Variants in MAP2K1 observed in about 807,000 individuals in gnomAD.
MAP2K1 encodes mitogen-activated protein kinase kinase 1.
In MAP2K1, 16 loss-of-function variants were observed where a neutral mutation model predicts 46.3. The ratio of observed to expected loss-of-function variants is 0.35; its 90% CI spans 0.23 to 0.52. The LOEUF (loss-of-function observed/expected upper bound fraction) is 0.52, where lower values mean the gene tolerates loss of function less well. Ranked by LOEUF, MAP2K1 falls within the 20% of genes least tolerant of loss-of-function variation. The probability of loss-of-function intolerance (pLI) is 0.94; values close to 1 mark genes in which losing one functional copy is unlikely to be tolerated. For synonymous variants in MAP2K1, 183 were observed against 185.6 expected, an observed-to-expected ratio of 0.99 and a Z score of 0.11; for missense variants, 263 against 497.1, an observed-to-expected ratio of 0.53 and a Z score of 4.48.
intron 5 of MAP2K1, among the ~76,000 whole-genome samples, chr15:66,469,497 T>TTTTTTTG (rs1555419237): frequency 6.9e-6 from 1 of 144,926 alleles, no homozygotes; most frequent in Admixed American, 6.9e-5. Context: ...TTTTTTTTTT[T>TTTTTTTG]TTGTTGAGGA....
rs569987264 is a variant in MAP2K1, at chr15:66,468,641, A to T, written c.569-13114A>T. Among the ~76,000 whole-genome samples the T allele has an allele frequency of 1.2e-3, 188 of 151,512 alleles. 3 individuals carry two copies. The South Asian group carries it at 0.035, about 28-fold the overall frequency. ...AGACCACATGATGCTTTTAAAAAAAATTTTTTTTTGGCTGGGCGCGGTGGC... is the reference window on the plus strand; with the variant it reads ...AGACCACATGATGCTTTTAAAAAAATTTTTTTTTTGGCTGGGCGCGGTGGC... On this transcript the variant is annotated intron_variant, in intron 5 of 10. Transcript: ENST00000307102.
chr15:66,444,510 G>C (rs1891810407), intron 4 of MAP2K1, 146 bp from the exon 5 acceptor site: 1 of 685,910 alleles, frequency 1.5e-6, no homozygotes, highest in African/African-American at 1.8e-5. Context: ...TCCAGCCTGG[G>C]CAACAAGAGT....
chr15:66,464,574 G>C (rs1374592389), intron 5 of MAP2K1, among the ~76,000 whole-genome samples: 2 of 152,108 alleles, frequency 1.3e-5, no homozygotes, highest in African/African-American at 2.4e-5. Context: ...GCCCAGGCTA[G>C]AGTGCAGTGG....
In MAP2K1 at chr15:66,459,130, C is replaced by T. The variant is rs1322728906; in HGVS notation, c.568+14423C>T. On this transcript the variant is annotated intron_variant, in intron 5 of 10. Coordinates refer to ENST00000307102, the MANE Select transcript of MAP2K1 (RefSeq NM_002755.4). ...GAGATCAAGACCATGCTGGCCAACA[C>T]GGTGAAACCCCGTCTCTACTAAAAA... Among the ~76,000 whole-genome samples, 5 of 151,188 alleles carry T rather than the reference C, an allele frequency of 3.3e-5. No individual in the cohort carries two copies. In the East Asian group the frequency reaches 5.8e-4, roughly 18 times the overall value.
intron 1 of MAP2K1, among the ~76,000 whole-genome samples, chr15:66,434,401 T>C (rs2140577200): frequency 6.6e-6 from 1 of 152,346 alleles, no homozygotes; most frequent in South Asian, 2.1e-4. Flanking sequence ...GTGGGTCCTC[T>C]TTGGACCCTT....
chr15:66,477,206 G>A (rs1034014826), intron 5 of MAP2K1, among the ~76,000 whole-genome samples: 11 of 152,206 alleles, frequency 7.2e-5, no homozygotes, highest in African/African-American at 2.7e-4. Context: ...GTGGCAAGCT[G>A]TGTTATGTAA....
At chr15:66,404,516 A>G (rs752575805) in intron 1 of MAP2K1, among the ~76,000 whole-genome samples, 3 of 152,252 alleles carry the variant, frequency 2.0e-5, no homozygotes, top group Non-Finnish European at 2.9e-5. Flanking sequence ...TGGGTTAGCC[A>G]TAAAGGTAGC....
At chr15:66,434,992 G>T (rs1242071561) in intron 1 of MAP2K1, 35 bp from the exon 2 acceptor site, 2 of 1,339,086 alleles carry the variant, frequency 1.5e-6, no homozygotes, top group South Asian at 2.3e-5. Context: ...CTTCTCTGGT[G>T]ACAGTATTGA....
chr15:66,396,920 G>A (rs2093369006), intron 1 of MAP2K1, among the ~76,000 whole-genome samples: 1 of 149,096 alleles, frequency 6.7e-6, no homozygotes, highest in South Asian at 2.1e-4. Context: ...CCTGACCTCA[G>A]TTGATCTGCC....
intron 5 of MAP2K1, among the ~76,000 whole-genome samples, chr15:66,478,508 T>A (rs73471741): frequency 0.13 from 16,035 of 120,496 alleles, 1,495 homozygotes; most frequent in African/African-American, 0.31. Flanking sequence ...ATATATATAT[T>A]TTTTTTTTGA....
intron 5 of MAP2K1, among the ~76,000 whole-genome samples, chr15:66,469,723 C>CACACACACACATAT (rs143830560): frequency 1.6e-4 from 21 of 134,514 alleles, no homozygotes; most frequent in East Asian, 7.7e-4. Flanking sequence ...CACACACACA[C>CACACACACACATAT]ATATCGGATG....
chr15:66,478,329 T>C (rs1892812644), intron 5 of MAP2K1, among the ~76,000 whole-genome samples: 2 of 144,164 alleles, frequency 1.4e-5, no homozygotes, highest in Admixed American at 6.9e-5. Flanking sequence ...ATATATGTTA[T>C]ATATACACAC....
At chr15:66,460,730 C>T (rs1892296991) in intron 5 of MAP2K1, among the ~76,000 whole-genome samples, 1 of 151,704 alleles carries the variant, frequency 6.6e-6, no homozygotes, top group African/African-American at 2.4e-5. Flanking sequence ...GGGGAGAGGT[C>T]AATTAGGAGG....
At chr15:66,449,112 GA>G (rs1200077537) in intron 5 of MAP2K1, among the ~76,000 whole-genome samples, 1 of 151,148 alleles carries the variant, frequency 6.6e-6, no homozygotes, top group Non-Finnish European at 1.5e-5. Flanking sequence ...ATACCACCAT[GA>G]ACTGCACTCC....
chr15:66,461,760 C>T (rs1053022649), intron 5 of MAP2K1, among the ~76,000 whole-genome samples: 4 of 152,060 alleles, frequency 2.6e-5, no homozygotes, highest in Admixed American at 2.0e-4. Flanking sequence ...AAGTGACCTC[C>T]GAGCCACTGT....
chr15:66,419,673 G>T (rs73469998), intron 1 of MAP2K1, among the ~76,000 whole-genome samples: 10,492 of 152,134 alleles, frequency 0.069, 1,204 homozygotes, highest in African/African-American at 0.24. Context: ...GTCTTTGTGA[G>T]TGGGTGGTCC....
At chr15:66,433,446 T>G (rs1439037446) in intron 1 of MAP2K1, among the ~76,000 whole-genome samples, 1 of 152,112 alleles carries the variant, frequency 6.6e-6, no homozygotes, top group Non-Finnish European at 1.5e-5. Flanking sequence ...GCCTTCCTAC[T>G]GTGTGCTTGC....
intron 5 of MAP2K1, among the ~76,000 whole-genome samples, chr15:66,453,881 C>T (rs1431753237): frequency 6.6e-6 from 1 of 152,134 alleles, no homozygotes; most frequent in African/African-American, 2.4e-5. Context: ...TCACTATAGC[C>T]TTGGCCTCCT....
chr15:66,421,095 C>T lies in MAP2K1; in HGVS notation c.81-13932C>T, dbSNP rs1443865215. Among the ~76,000 whole-genome samples the T allele has an allele frequency of 8.6e-5, 6 of 69,518 alleles. No individual in the cohort carries two copies. The East Asian group carries it at 1.1e-3, about 13-fold the overall frequency. 45.6% of individuals were successfully genotyped at this position (69,518 alleles called of 152,430 possible). On this transcript the variant is annotated intron_variant, in intron 1 of 10. Coordinates refer to ENST00000307102, the MANE Select transcript of MAP2K1 (RefSeq NM_002755.4). ...ACATATATACACATACACACACATA[C>T]ACACACACACACACACACACACACA... is the stretch of plus-strand genomic sequence containing the variant.
Sources: allele counts gnomAD v4.1 joint callset (sites outside exome capture counted in the v4.1 genomes callset), GRCh38; gene constraint gnomAD v4.1.1; transcripts MANE v1.5; gene names NCBI Gene and HGNC (gene_info 2026-07-23, HGNC 2026-07-21).